Variants in GAS7 observed in about 807,000 individuals in gnomAD.
The protein encoded by GAS7 is growth arrest specific 7.
A neutral mutation model predicts 71.1 loss-of-function variants in GAS7; 28 were observed. The observed-to-expected ratio is 0.39, with a 90% CI of 0.29 to 0.54. The LOEUF is 0.54. Ranked by LOEUF, GAS7 falls within the 20% of genes least tolerant of loss-of-function variation. The pLI is 0.62. For synonymous variants in GAS7, 258 were observed against 245.8 expected (o/e 1.05, Z -0.46); for missense variants, 436 against 627.8 (o/e 0.69, Z 3.27).
intron 1 of GAS7, among the ~76,000 whole-genome samples, chr17:10,089,978 G>C (rs757068859): frequency 4.6e-5 from 7 of 152,100 alleles, no homozygotes; most frequent in Non-Finnish European, 1.0e-4. Flanking sequence ...GACCAGCCCG[G>C]CCAACATGGT....
At chr17:9,987,958 G>A (rs2070703833) in intron 2 of GAS7, among the ~76,000 whole-genome samples, 1 of 152,190 alleles carries the variant, frequency 6.6e-6, no homozygotes, top group Non-Finnish European at 1.5e-5. Context: ...TCCTGCTGGG[G>A]CTCGTCCACT....
At chr17:10,171,934 C>A (rs570811082) in intron 1 of GAS7, among the ~76,000 whole-genome samples, 199 of 152,296 alleles carry the variant, frequency 1.3e-3, no homozygotes, top group African/African-American at 4.6e-3. Context: ...CTCTGAGGGG[C>A]ACCAGGAGCA....
chr17:10,023,824 A>AT (rs1217607138), intron 1 of GAS7, among the ~76,000 whole-genome samples: 1 of 152,212 alleles, frequency 6.6e-6, no homozygotes, highest in East Asian at 1.9e-4. Flanking sequence ...TTGTACCACA[A>AT]TTAAAAAAAA....
intron 1 of GAS7, among the ~76,000 whole-genome samples, chr17:10,064,176 G>A (rs562763899): frequency 6.6e-6 from 1 of 152,324 alleles, no homozygotes; most frequent in East Asian, 1.9e-4. Flanking sequence ...GGGCCTCCCA[G>A]ATTGACGTTT....
intron 9 of GAS7, among the ~76,000 whole-genome samples, chr17:9,928,344 G>A (rs1039591384): frequency 1.3e-5 from 2 of 150,346 alleles, no homozygotes; most frequent in Non-Finnish European, 3.0e-5. Context: ...GGATGGTCTC[G>A]ATCTCCTGAC....
intron 2 of GAS7, among the ~76,000 whole-genome samples, chr17:9,989,242 G>C (rs2070755027): frequency 6.6e-6 from 1 of 152,094 alleles, no homozygotes; most frequent in South Asian, 2.1e-4. Flanking sequence ...CACCGTGTCT[G>C]AGCTCTAGGC....
At chr17:10,036,426 A>C (rs373895924) in intron 1 of GAS7, 67 of 1,605,074 alleles carry the variant, frequency 4.2e-5, no homozygotes, top group Non-Finnish European at 5.2e-5. Flanking sequence ...AGAAAAATCA[A>C]TTCTTACCAT....
At chr17:9,952,602 G>A (rs1366148970) in intron 5 of GAS7, among the ~76,000 whole-genome samples, 1 of 152,150 alleles carries the variant, frequency 6.6e-6, no homozygotes, top group Non-Finnish European at 1.5e-5. Context: ...ATGTTGGTCA[G>A]GCTGGTCTCG....
chr17:10,076,652 T>C (rs1239718416), intron 1 of GAS7, among the ~76,000 whole-genome samples: 1 of 152,156 alleles, frequency 6.6e-6, no homozygotes, highest in East Asian at 1.9e-4. Flanking sequence ...AACTAACTAC[T>C]GAAGGGGTAA....
chr17:9,973,876 A>C (rs1337129877), intron 3 of GAS7, among the ~76,000 whole-genome samples: 1 of 152,214 alleles, frequency 6.6e-6, no homozygotes, highest in African/African-American at 2.4e-5. Context: ...TTCGAAAATG[A>C]AATGCACAAG....
rs758983185 is a variant in GAS7 at position 9,969,757 on chromosome 17, C to T, written c.391G>A (p.Gly131Arg). The change falls in exon 4 of 14, where the codon GGA (glycine) becomes AGA (arginine). Residue 131 changes from glycine to arginine, a missense_variant. Transcript: ENST00000432992. This position sits in a 1 kb window ranked among gnomAD's most constrained non-coding sequence, Gnocchi z 5.5. ...HRSSLPPTVNGYHASGTPAHP... is the reference protein window; with the variant it reads ...HRSSLPPTVNRYHASGTPAHP... Reference sequence around the variant, plus strand: ...GCTGGGGTCCCTGATGCGTGGTATCCATTCACTGCAGGGACAGAGACACGG... The same window carrying T: ...GCTGGGGTCCCTGATGCGTGGTATCTATTCACTGCAGGGACAGAGACACGG... The T allele has an allele frequency of 1.9e-6, 3 of 1,604,972 alleles. No homozygotes were observed. Among genetic ancestry groups the T allele is most frequent in the Non-Finnish European group, 1.7e-6 (2 of 1,171,718 alleles).
intron 1 of GAS7, among the ~76,000 whole-genome samples, chr17:10,122,164 C>G (rs980918755): frequency 1.3e-5 from 2 of 152,196 alleles, no homozygotes; most frequent in African/African-American, 4.8e-5. Context: ...CGGGAGCACA[C>G]TTTTATCTGT....
At chr17:9,920,419 T>TA (rs1343376241) in intron 11 of GAS7, among the ~76,000 whole-genome samples, 1 of 152,230 alleles carries the variant, frequency 6.6e-6, no homozygotes, top group Non-Finnish European at 1.5e-5. Flanking sequence ...TCTTTAGGAC[T>TA]ACTCTATTAC....
intron 1 of GAS7, among the ~76,000 whole-genome samples, chr17:10,077,945 C>T (rs188711534): frequency 3.5e-4 from 54 of 152,152 alleles, no homozygotes; most frequent in African/African-American, 1.2e-3. Context: ...GAGCAACAGA[C>T]CAGAACAGAG....
chr17:9,947,322 A>G (rs1458015297), intron 5 of GAS7, among the ~76,000 whole-genome samples: 3 of 152,228 alleles, frequency 2.0e-5, no homozygotes, highest in African/African-American at 7.2e-5. Context: ...TTTTCACGAC[A>G]GCGCTATTTA....
chr17:10,158,352 A>AC (rs2074222501), intron 1 of GAS7, among the ~76,000 whole-genome samples: 1 of 151,058 alleles, frequency 6.6e-6, no homozygotes, highest in Non-Finnish European at 1.5e-5. Context: ...AAAAAAAAAA[A>AC]AAAAAAAACA....
intron 2 of GAS7, among the ~76,000 whole-genome samples, chr17:9,990,372 G>A (rs958465790): frequency 2.6e-5 from 4 of 152,240 alleles, no homozygotes; most frequent in Admixed American, 2.6e-4. Context: ...TTCGCCCAGA[G>A]CGAGCGAGCC....
chr17:10,013,885 C>G (rs550240794), intron 2 of GAS7, among the ~76,000 whole-genome samples: 4 of 152,140 alleles, frequency 2.6e-5, no homozygotes, highest in Admixed American at 1.3e-4. Flanking sequence ...GCTGCAAGGC[C>G]CCGGGTGATC....
rs115370606 is a variant in GAS7, at chr17:10,061,903, G to A, written c.184-42006C>T. On this transcript the variant is annotated intron_variant, in intron 1 of 13. Transcript: ENST00000432992. ...CTGAACTAGGGGCGCTTTTTCCCCA[G>A]GGGCCAATGGGGCAATACTTGGTGA... 8.9e-3 allele frequency among the ~76,000 whole-genome samples: 1,358 copies of A among 152,290 alleles called. 28 individuals are homozygous for A. Among genetic ancestry groups the A allele is most frequent in the African/African-American group, 0.03 (1,262 of 41,558 alleles).
Sources: allele counts gnomAD v4.1 joint callset (sites outside exome capture counted in the v4.1 genomes callset), GRCh38; gene constraint gnomAD v4.1.1; non-coding constraint Gnocchi (gnomAD v3.1); transcripts MANE v1.5; gene names NCBI Gene and HGNC (gene_info 2026-07-23, HGNC 2026-07-21).